Variants in TSHZ2 observed in about 807,000 individuals in gnomAD.
TSHZ2 encodes the protein teashirt zinc finger homeobox 2.
TSHZ2 carries 21 observed loss-of-function variants against 74.4 expected under a neutral mutation model. That is an observed-to-expected ratio of 0.28 (90% CI 0.20 to 0.41). TSHZ2 has a LOEUF of 0.41. TSHZ2 is among the 10% of genes least tolerant of loss of function. The pLI, the probability that TSHZ2 is intolerant of heterozygous loss-of-function variation, is 1.00. For missense variants in TSHZ2, 1,244 were observed against 1,293.5 expected (o/e 0.96, Z 0.59); for synonymous variants, 540 against 515.3 (o/e 1.05, Z -0.65).
intron 2 of TSHZ2, among the ~76,000 whole-genome samples, chr20:53,481,424 A>G (rs1306615425): frequency 6.6e-6 from 1 of 152,002 alleles, no homozygotes; most frequent in African/African-American, 2.4e-5. Flanking sequence ...ATACAAAAAA[A>G]TTAGCCGGAT....
At chr20:53,063,647 G>GA (rs1984887727) in intron 1 of TSHZ2, among the ~76,000 whole-genome samples, 1 of 152,190 alleles carries the variant, frequency 6.6e-6, no homozygotes, top group African/African-American at 2.4e-5. Context: ...TAAGTGAATA[G>GA]AAAATGTGTG....
chr20:53,192,987 C>T (rs1005152099), intron 1 of TSHZ2, among the ~76,000 whole-genome samples: 1 of 152,062 alleles, frequency 6.6e-6, no homozygotes, highest in African/African-American at 2.4e-5. Context: ...ATGGGCAGAG[C>T]GGCTGTGCCA....
chr20:53,029,746 C>T (rs551291096), intron 1 of TSHZ2, among the ~76,000 whole-genome samples: 9 of 152,194 alleles, frequency 5.9e-5, no homozygotes, highest in South Asian at 2.1e-4. Flanking sequence ...AGATGTGTGG[C>T]GAGGTGAACA....
At chr20:53,028,595 T>C (rs1207259379) in intron 1 of TSHZ2, among the ~76,000 whole-genome samples, 2 of 152,234 alleles carry the variant, frequency 1.3e-5, no homozygotes, top group Non-Finnish European at 2.9e-5. Context: ...TCATTCAATG[T>C]CATGCTTTTT....
intron 1 of TSHZ2, among the ~76,000 whole-genome samples, chr20:53,233,486 T>C (rs763546937): frequency 3.0e-4 from 45 of 152,114 alleles, no homozygotes; most frequent in African/African-American, 1.1e-3. Flanking sequence ...AGAAAAAGAA[T>C]TAAAAGAAAG....
intron 2 of TSHZ2, among the ~76,000 whole-genome samples, chr20:53,273,041 G>C (rs958049838): frequency 7.9e-5 from 12 of 152,232 alleles, no homozygotes; most frequent in Non-Finnish European, 1.6e-4. Context: ...ATCCCAGGCA[G>C]GAGAAACAGG....
chr20:53,117,940 AGTGT>A (rs1463247286), intron 1 of TSHZ2, among the ~76,000 whole-genome samples: 2 of 152,210 alleles, frequency 1.3e-5, no homozygotes, highest in Non-Finnish European at 2.9e-5. Context: ...AAGGATGAGA[AGTGT>A]GTATTTTCAT....
chr20:53,111,166 A>G (rs1372758714), intron 1 of TSHZ2, among the ~76,000 whole-genome samples: 1 of 152,242 alleles, frequency 6.6e-6, no homozygotes, highest in African/African-American at 2.4e-5. Context: ...GAAATTGTCC[A>G]AGAGGGTCAA....
intron 2 of TSHZ2, among the ~76,000 whole-genome samples, chr20:53,454,280 A>G (rs553691471): frequency 6.6e-6 from 1 of 152,172 alleles, no homozygotes; most frequent in South Asian, 2.1e-4. Flanking sequence ...AATGTCTTTA[A>G]AGGCCAGGCG....
intron 1 of TSHZ2, among the ~76,000 whole-genome samples, chr20:52,988,007 C>T (rs960378951): frequency 6.6e-6 from 1 of 151,970 alleles, no homozygotes; most frequent in African/African-American, 2.4e-5. Flanking sequence ...TTTTCAATGA[C>T]TTCTCTTCTT....
chr20:53,356,502 C>A (rs900607639), intron 2 of TSHZ2, among the ~76,000 whole-genome samples: 6 of 152,142 alleles, frequency 3.9e-5, no homozygotes, highest in Admixed American at 1.3e-4. Flanking sequence ...AATAAAGAGA[C>A]CTCACATTTT....
chr20:53,064,433 AT>A (rs964082310), intron 1 of TSHZ2, among the ~76,000 whole-genome samples: 2 of 152,010 alleles, frequency 1.3e-5, no homozygotes, highest in South Asian at 2.1e-4. Flanking sequence ...AGCCTTCTTT[AT>A]TTTTTTTATG....
At chr20:53,431,620 C>T (rs1034189289) in intron 2 of TSHZ2, among the ~76,000 whole-genome samples, 8 of 152,106 alleles carry the variant, frequency 5.3e-5, no homozygotes, top group Non-Finnish European at 8.8e-5. Context: ...TTACAACAAC[C>T]CTGTGAGGTA....
rs1368902579 is a variant in TSHZ2, at chr20:53,371,882, A to AG, written c.*9-115262_*9-115261insG. Among the ~76,000 whole-genome samples the AG allele has an allele frequency of 1.9e-4, 28 of 150,478 alleles. No individual in the cohort carries two copies. The East Asian group carries it at 5.2e-3, about 28-fold the overall frequency. On this transcript the variant is annotated intron_variant, in intron 2 of 2. Transcript: ENST00000371497. Reference sequence around the variant, plus strand: ...AGAGAGAGACTCCGTCTCAAAAAAAAAAAAAAGAAAAAAAAAAGAGTCAGC... The same window carrying AG: ...AGAGAGAGACTCCGTCTCAAAAAAAAGAAAAAAGAAAAAAAAAAGAGTCAGC...
intron 1 of TSHZ2, among the ~76,000 whole-genome samples, chr20:53,218,184 T>C (rs184929337): frequency 1.3e-5 from 2 of 152,358 alleles, no homozygotes; most frequent in Admixed American, 1.3e-4. Context: ...ACTACGCCTA[T>C]AGGCTGAGGG....
chr20:52,985,609 C>T (rs1242564004), intron 1 of TSHZ2, among the ~76,000 whole-genome samples: 1 of 152,160 alleles, frequency 6.6e-6, no homozygotes. Flanking sequence ...ATCATCACCA[C>T]GATTCTGACC....
chr20:53,265,023 G>A (rs547958890), intron 2 of TSHZ2, among the ~76,000 whole-genome samples: 137 of 152,318 alleles, frequency 9.0e-4, no homozygotes, highest in African/African-American at 3.1e-3. Context: ...CACCGAAGGC[G>A]AGAGCAGGCC....
intron 1 of TSHZ2, among the ~76,000 whole-genome samples, chr20:53,237,877 C>G (rs1293993303): frequency 2.6e-5 from 4 of 152,130 alleles, no homozygotes; most frequent in Non-Finnish European, 5.9e-5. Context: ...ACTACGAGCA[C>G]TGCAACCGTA....
chr20:53,165,256 C>G (rs954301389), intron 1 of TSHZ2, among the ~76,000 whole-genome samples: 1 of 152,142 alleles, frequency 6.6e-6, no homozygotes, highest in Non-Finnish European at 1.5e-5. Context: ...TTGTAACAGC[C>G]CAAAGAGGCA....
Sources: allele counts gnomAD v4.1 joint callset (sites outside exome capture counted in the v4.1 genomes callset), GRCh38; gene constraint gnomAD v4.1.1; transcripts MANE v1.5; gene names NCBI Gene and HGNC (gene_info 2026-07-23, HGNC 2026-07-21).